Variants in MARK1 observed in about 807,000 individuals in gnomAD.
MARK1 encodes microtubule affinity regulating kinase 1, also known as serine/threonine-protein kinase MARK1.
A neutral mutation model predicts 96.3 loss-of-function variants in MARK1; 40 were observed. The ratio of observed to expected loss-of-function variants is 0.42; its 90% CI spans 0.32 to 0.54. The LOEUF (loss-of-function observed/expected upper bound fraction) is 0.54, where lower values mean the gene tolerates loss of function less well. Among genes scored for constraint, MARK1 ranks in the 20% least tolerant of loss-of-function variants. The pLI is 0.16. For missense variants in MARK1, 719 were observed against 984.6 expected (o/e 0.73, Z 3.61); for synonymous variants, 317 against 341.2 (o/e 0.93, Z 0.78).
At chr1:220,609,610 G>A (rs1260713021) in intron 6 of MARK1, among the ~76,000 whole-genome samples, 1 of 152,134 alleles carries the variant, frequency 6.6e-6, no homozygotes, top group East Asian at 1.9e-4. Flanking sequence ...ACGTTTGCTG[G>A]TTATTTTGCC....
chr1:220,572,867 A>G (rs1172806669), intron 1 of MARK1, among the ~76,000 whole-genome samples: 1 of 152,190 alleles, frequency 6.6e-6, no homozygotes, highest in Non-Finnish European at 1.5e-5. Context: ...AGTTTTTGTT[A>G]ATCTAAAAAT....
Position 220,662,236 on chromosome 1 carries a change from A to G in MARK1, c.*70A>G. ...AGGTACAGTTTTTGAATGTACTGGT[A>G]ATGCCTAATGTGGTCTGCCTGTGAA... On this transcript the variant is annotated 3_prime_UTR_variant, in exon 18 of 18. Coordinates refer to ENST00000366917, the MANE Select transcript of MARK1 (RefSeq NM_018650.5). 1.7e-6 allele frequency: 2 copies of G among 1,162,998 alleles called. No homozygotes were observed. The highest frequency in any genetic ancestry group is 2.4e-6 in the Non-Finnish European group (2 of 818,480). The allele number at this position is 1,162,998 out of a possible 1,614,324, so 72.0% of individuals were successfully genotyped here.
At chr1:220,650,939 AT>A (rs1668841897) in intron 14 of MARK1, among the ~76,000 whole-genome samples, 1 of 152,210 alleles carries the variant, frequency 6.6e-6, no homozygotes, top group Admixed American at 6.5e-5. Context: ...TTACCTGCCA[AT>A]TTCTGAGTAA....
chr1:220,605,773 TCTGTC>T (rs1666036899), intron 6 of MARK1, among the ~76,000 whole-genome samples: 1 of 152,088 alleles, frequency 6.6e-6, no homozygotes, highest in African/African-American at 2.4e-5. Context: ...TGTTTGGTTT[TCTGTC>T]CTTGTGATAG....
At chr1:220,529,404 G>A (rs1660157829) in intron 1 of MARK1, among the ~76,000 whole-genome samples, 1 of 152,224 alleles carries the variant, frequency 6.6e-6, no homozygotes, top group Admixed American at 6.5e-5. Flanking sequence ...GGATGGGAAT[G>A]GAAGTGGAGA....
chr1:220,536,920 C>G (rs960573726), intron 1 of MARK1, among the ~76,000 whole-genome samples: 1 of 152,002 alleles, frequency 6.6e-6, no homozygotes, highest in African/African-American at 2.4e-5. Context: ...TTTTCCATTT[C>G]TTTACTGTAA....
chr1:220,612,298 C>T (rs949318741), intron 6 of MARK1, among the ~76,000 whole-genome samples: 15 of 152,086 alleles, frequency 9.9e-5, no homozygotes, highest in Non-Finnish European at 1.9e-4. Context: ...TGCTGGTGAG[C>T]GAGAGCAGGA....
chr1:220,571,427 TTC>T (rs1343411726), intron 1 of MARK1, among the ~76,000 whole-genome samples: 1 of 152,218 alleles, frequency 6.6e-6, no homozygotes, highest in East Asian at 1.9e-4. Flanking sequence ...TTCATAAGCA[TTC>T]TTTTCCAGCT....
chr1:220,662,105 C>T lies in MARK1; in HGVS notation c.2327C>T (p.Ser776Phe), dbSNP rs1437269462. The change falls in exon 18 of 18, where the codon TCT (serine) becomes TTT (phenylalanine). Residue 776 changes from serine (S) to phenylalanine (F), a missense_variant. Transcript: ENST00000366917. ...AATGGGGTTCGCTTCAAGCGAATATCTGGGACATCTATTGCCTTTAAGAAC... is the reference window on the plus strand; with the variant it reads ...AATGGGGTTCGCTTCAAGCGAATATTTGGGACATCTATTGCCTTTAAGAAC... Reference protein sequence around the residue: ...SLNGVRFKRISGTSIAFKNIA... With the variant: ...SLNGVRFKRIFGTSIAFKNIA... 6.2e-7 allele frequency: 1 copy of T among 1,614,132 alleles called. No homozygotes were observed. Among genetic ancestry groups the T allele is most frequent in the Non-Finnish European group, 8.5e-7 (1 of 1,180,030 alleles).
chr1:220,597,299 T>C lies in MARK1; in HGVS notation c.310-1032T>C, dbSNP rs79770770. On this transcript the variant is annotated intron_variant, in intron 3 of 17. Transcript: ENST00000366917. Reference sequence around the variant, plus strand: ...TTTCTTTAGGAACTGCTATGTATTTTTTTTCATGGAGGCTTTATCGTTTGT... The same window carrying C: ...TTTCTTTAGGAACTGCTATGTATTTCTTTTCATGGAGGCTTTATCGTTTGT... 6.2e-3 allele frequency among the ~76,000 whole-genome samples: 937 copies of C among 152,272 alleles called. 10 individuals are homozygous for C. Among genetic ancestry groups the C allele is most frequent in the East Asian group, 0.014 (73 of 5,186 alleles).
intron 5 of MARK1, among the ~76,000 whole-genome samples, chr1:220,601,866 T>C (rs543468937): frequency 6.6e-6 from 1 of 152,260 alleles, no homozygotes; most frequent in South Asian, 2.1e-4. Context: ...TGGGGAGTAG[T>C]GTAGAGAAAT....
chr1:220,533,954 A>G (rs1261626049), intron 1 of MARK1, among the ~76,000 whole-genome samples: 1 of 151,756 alleles, frequency 6.6e-6, no homozygotes, highest in African/African-American at 2.4e-5. Context: ...TATAGTTACC[A>G]TATATGTTTA....
At chr1:220,642,006 C>A (rs569937317) in intron 13 of MARK1, among the ~76,000 whole-genome samples, 1 of 152,346 alleles carries the variant, frequency 6.6e-6, no homozygotes, top group East Asian at 1.9e-4. Flanking sequence ...CCCCTGTCAG[C>A]AGCCGTTTGG....
At chr1:220,628,049 A>T (rs1359000997) in intron 9 of MARK1, 1 of 152,166 alleles carries the variant, frequency 6.6e-6, no homozygotes, top group Admixed American at 6.5e-5. Flanking sequence ...CTATACAAAA[A>T]AAAATAACTG....
chr1:220,635,647 T>C (rs1377769930), intron 12 of MARK1, 118 bp downstream of exon 12: 4 of 1,224,974 alleles, frequency 3.3e-6, no homozygotes, highest in South Asian at 1.6e-5. Context: ...CACAGACTTA[T>C]ATTACTGAAT....
At chr1:220,628,129 C>T (rs1048875804) in intron 9 of MARK1, 2 of 152,248 alleles carry the variant, frequency 1.3e-5, no homozygotes, top group African/African-American at 4.8e-5. Flanking sequence ...TTCACTCACT[C>T]ATCTGTTTGC....
rs147221031 is a variant in MARK1, at chr1:220,540,493, C to T, written c.51+11620C>T. 3.7e-3 allele frequency among the ~76,000 whole-genome samples: 559 copies of T among 152,202 alleles called. 6 individuals carry two copies. Among genetic ancestry groups the T allele is most frequent in the Middle Eastern group, 0.034 (10 of 294 alleles). ...TCTGGAAAAACTCTCTTGGATATAC[C>T]CCAAAATAATATTTTGCCAGCTATC... is the stretch of plus-strand genomic sequence containing the variant. On this transcript the variant is annotated intron_variant, in intron 1 of 17. Transcript: ENST00000366917.
intron 1 of MARK1, among the ~76,000 whole-genome samples, chr1:220,561,518 T>G (rs1406613716): frequency 2.0e-5 from 3 of 152,138 alleles, no homozygotes; most frequent in African/African-American, 7.2e-5. Context: ...CAAGATTTAC[T>G]TAGAGGGATA....
intron 9 of MARK1, chr1:220,627,416 A>G (rs1667408536): frequency 2.1e-6 from 1 of 479,024 alleles, no homozygotes; most frequent in Non-Finnish European, 4.3e-6. Context: ...GCCAGAAGCC[A>G]AAGGGGTCAA....
Sources: gnomAD v4.1 joint callset for allele counts (sites outside exome capture counted in the v4.1 genomes callset) on GRCh38, gnomAD v4.1.1 for gene constraint, MANE v1.5 for transcripts, NCBI Gene and HGNC (gene_info 2026-07-23, HGNC 2026-07-21) for gene names.